The following MAD1L1 variants were observed in gnomAD, a reference collection of about 807,000 sequenced individuals.
The protein encoded by MAD1L1 is mitotic spindle assembly checkpoint protein MAD1.
In MAD1L1, 95 loss-of-function variants were observed where a neutral mutation model predicts 96.9. The observed-to-expected ratio is 0.98, with a 90% CI of 0.83 to 1.16. The LOEUF (loss-of-function observed/expected upper bound fraction) is 1.16, where lower values mean the gene tolerates loss of function less well. Among genes scored for constraint, MAD1L1 ranks in the 50% most tolerant of loss-of-function variants. The pLI is 0.00. For synonymous variants in MAD1L1, 473 were observed against 396.6 expected, an observed-to-expected ratio of 1.19 and a Z score of -2.29; for missense variants, 1,007 against 954.4, an observed-to-expected ratio of 1.06 and a Z score of -0.73.
intron 16 of MAD1L1, among the ~76,000 whole-genome samples, chr7:1,937,402 A>G (rs963384111): frequency 6.6e-6 from 1 of 152,226 alleles, no homozygotes; most frequent in Non-Finnish European, 1.5e-5. Context: ...TGGGTGGCTC[A>G]GGAATGCGCC....
intron 10 of MAD1L1, among the ~76,000 whole-genome samples, chr7:2,194,923 T>A (rs558126361): frequency 6.6e-6 from 1 of 151,650 alleles, no homozygotes; most frequent in South Asian, 2.1e-4. Context: ...AAAAAACAAA[T>A]ACAATAATAC....
At chr7:2,024,997 A>G (rs1042591157) in intron 12 of MAD1L1, among the ~76,000 whole-genome samples, 1 of 152,240 alleles carries the variant, frequency 6.6e-6, no homozygotes, top group African/African-American at 2.4e-5. Context: ...ATAGAAAGAC[A>G]CCACACAAAG....
intron 18 of MAD1L1, among the ~76,000 whole-genome samples, chr7:1,889,373 G>A (rs1156499107): frequency 6.6e-6 from 1 of 152,234 alleles, no homozygotes; most frequent in Admixed American, 6.5e-5. Context: ...AGAAAAGGTG[G>A]CATCCTCACG....
intron 12 of MAD1L1, among the ~76,000 whole-genome samples, chr7:2,018,631 A>G (rs971807747): frequency 6.6e-6 from 1 of 152,174 alleles, no homozygotes; most frequent in East Asian, 1.9e-4. Flanking sequence ...AGGCAGCTCC[A>G]TATGCAGAGG....
intron 18 of MAD1L1, among the ~76,000 whole-genome samples, chr7:1,823,052 AT>A (rs1782212033): frequency 6.6e-6 from 1 of 152,074 alleles, no homozygotes; most frequent in Admixed American, 6.6e-5. Context: ...TTGAAAATCA[AT>A]CAATGTAATC....
chr7:1,879,116 A>G (rs1411423777), intron 18 of MAD1L1, among the ~76,000 whole-genome samples: 1 of 152,250 alleles, frequency 6.6e-6, no homozygotes, highest in South Asian at 2.1e-4. Context: ...GGGAGAAGGT[A>G]AAGACCTATA....
At chr7:1,844,861 G>A (rs892135391) in intron 18 of MAD1L1, among the ~76,000 whole-genome samples, 3 of 152,234 alleles carry the variant, frequency 2.0e-5, no homozygotes, top group Non-Finnish European at 4.4e-5. Context: ...GTCCTCCTCT[G>A]CGAGTGGGAC....
chr7:1,823,851 C>T (rs773106778), intron 18 of MAD1L1, among the ~76,000 whole-genome samples: 3 of 152,270 alleles, frequency 2.0e-5, no homozygotes, highest in African/African-American at 4.8e-5. Context: ...GCAAGCGCCA[C>T]GCACCTAACT....
In MAD1L1 at chr7:2,222,582, G is replaced by C. The variant is rs1489974973; in HGVS notation, c.464C>G (p.Ala155Gly). The change falls in exon 5 of 19, where the codon GCT becomes GGT. Residue 155 changes from alanine (A) to glycine (G), a missense_variant. Transcript: ENST00000265854. ...AGCAGAGGCCCCGCTCACCTCGCCA[G>C]CCTGGGCCAGACTGTCCTCTTTCTC... ...LREKEDSLAQ[A>G]GETINALKGR... 1.9e-6 allele frequency: 3 copies of C among 1,601,174 alleles called. No homozygotes were observed. Among genetic ancestry groups the C allele is most frequent in the Non-Finnish European group, 2.6e-6 (3 of 1,173,746 alleles).
At chr7:1,874,089 G>A (rs1481333817) in intron 18 of MAD1L1, among the ~76,000 whole-genome samples, 1 of 152,242 alleles carries the variant, frequency 6.6e-6, no homozygotes, top group Non-Finnish European at 1.5e-5. Flanking sequence ...GGCCACCGGG[G>A]ATCCCGGGAC....
At chr7:2,207,061 G>C (rs1204080852) in intron 10 of MAD1L1, among the ~76,000 whole-genome samples, 3 of 144,606 alleles carry the variant, frequency 2.1e-5, no homozygotes, top group African/African-American at 5.1e-5. Flanking sequence ...CTGGGCGACA[G>C]AGTAAGATTC....
At chr7:1,972,015 G>A (rs555309290) in intron 15 of MAD1L1, among the ~76,000 whole-genome samples, 251 of 152,280 alleles carry the variant, frequency 1.6e-3, no homozygotes, top group South Asian at 3.7e-3. Flanking sequence ...TCCCTCGATG[G>A]TAACAACTTA....
At chr7:1,948,418 G>A (rs1393800586) in intron 16 of MAD1L1, among the ~76,000 whole-genome samples, 1 of 152,162 alleles carries the variant, frequency 6.6e-6, no homozygotes, top group Non-Finnish European at 1.5e-5. Flanking sequence ...AGGGGCCGCA[G>A]CTTTCCCCAG....
chr7:1,835,283 T>A (rs1197726465), intron 18 of MAD1L1, among the ~76,000 whole-genome samples: 1 of 152,238 alleles, frequency 6.6e-6, no homozygotes, highest in East Asian at 1.9e-4. Context: ...TCTCACTGCT[T>A]GTATTCAGCA....
intron 14 of MAD1L1, among the ~76,000 whole-genome samples, chr7:1,996,261 C>T (rs1415344792): frequency 4.0e-4 from 50 of 124,700 alleles, no homozygotes; most frequent in African/African-American, 1.5e-3. Context: ...GGCTCCTGGG[C>T]GGGCAGGGTC....
intron 16 of MAD1L1, among the ~76,000 whole-genome samples, chr7:1,937,410 G>A (rs950775137): frequency 2.0e-5 from 3 of 152,208 alleles, no homozygotes; most frequent in Non-Finnish European, 2.9e-5. Context: ...TCAGGAATGC[G>A]CCTCGCAACC....
chr7:1,944,440 A>C (rs1779138525), intron 16 of MAD1L1, among the ~76,000 whole-genome samples: 1 of 152,184 alleles, frequency 6.6e-6, no homozygotes, highest in African/African-American at 2.4e-5. Flanking sequence ...GCGTGGATGC[A>C]GCTGCCAGAG....
chr7:2,120,211 C>G (rs1394152790), intron 11 of MAD1L1, among the ~76,000 whole-genome samples: 3 of 152,192 alleles, frequency 2.0e-5, no homozygotes, highest in Admixed American at 2.0e-4. Context: ...GTTGCCTGTC[C>G]TTCAGGACCA....
intron 11 of MAD1L1, among the ~76,000 whole-genome samples, chr7:2,113,211 C>T (rs1373163147): frequency 1.3e-5 from 2 of 151,840 alleles, no homozygotes; most frequent in East Asian, 2.0e-4. Flanking sequence ...GACAGAAAAC[C>T]GCCCTGGGGC....
Sources: gnomAD v4.1 joint callset for allele counts (sites outside exome capture counted in the v4.1 genomes callset) on GRCh38, gnomAD v4.1.1 for gene constraint, MANE v1.5 for transcripts, NCBI Gene and HGNC (gene_info 2026-07-23, HGNC 2026-07-21) for gene names.